Variants in TFEC observed in about 807,000 individuals in gnomAD.
TFEC encodes the protein class E basic helix-loop-helix protein 34.
Under a neutral mutation model 41.6 loss-of-function variants are expected in TFEC, and 31 were observed. The observed-to-expected ratio is 0.74, with a 90% CI of 0.56 to 1.01. The LOEUF is 1.01. Among genes scored for constraint, TFEC ranks in the 50% least tolerant of loss-of-function variants. TFEC has a pLI of 0.00. For synonymous variants in TFEC, 143 were observed against 140.6 expected (o/e 1.02, Z -0.12); for missense variants, 402 against 404.1 (o/e 0.99, Z 0.04).
chr7:115,958,085 C>G (rs1319586944), intron 3 of TFEC, among the ~76,000 whole-genome samples: 2 of 151,656 alleles, frequency 1.3e-5, no homozygotes, highest in African/African-American at 2.4e-5. Context: ...GGACTCTTCA[C>G]GTTTACTTTA....
At chr7:116,067,935 C>G (rs990315856) in intron 3 of TFEC, among the ~76,000 whole-genome samples, 1 of 151,794 alleles carries the variant, frequency 6.6e-6, no homozygotes, top group Non-Finnish European at 1.5e-5. Flanking sequence ...TAAGCCTATA[C>G]CTCCCTGAAA....
At chr7:116,097,509 G>A (rs1172071583) in intron 3 of TFEC, among the ~76,000 whole-genome samples, 1 of 152,116 alleles carries the variant, frequency 6.6e-6, no homozygotes, top group African/African-American at 2.4e-5. Context: ...AGCAGTGTGA[G>A]ACAGCAAAAG....
intron 2 of TFEC, among the ~76,000 whole-genome samples, chr7:115,981,124 C>T (rs1793612213): frequency 6.6e-6 from 1 of 152,016 alleles, no homozygotes; most frequent in Non-Finnish European, 1.5e-5. Flanking sequence ...AGTCCTGTAG[C>T]CCCACCCTAA....
At position 115,967,791 on chromosome 7, in the gene TFEC, A is replaced by G. The variant is rs1792933282; in HGVS notation, c.267+6379T>C. Among the ~76,000 whole-genome samples the G allele has an allele frequency of 2.6e-5, 4 of 151,868 alleles. 1 individual carries two copies. In the South Asian group the frequency reaches 8.3e-4, roughly 31 times the overall value. ...TATACAATAATAGAAGAGATAAAAT[A>G]TAAAACAAAGAATGATAATTTATAA... On this transcript the variant is annotated intron_variant, in intron 3 of 7. Coordinates refer to ENST00000265440, the MANE Select transcript of TFEC (RefSeq NM_012252.4).
intron 6 of TFEC, 147 bp downstream of exon 6, chr7:115,950,727 A>G: frequency 1.8e-6 from 1 of 551,128 alleles, no homozygotes. Flanking sequence ...TGGAATAGAC[A>G]TTTTAAAATG....
intron 1 of TFEC, among the ~76,000 whole-genome samples, chr7:116,114,156 T>C (rs574909102): frequency 1.2e-4 from 19 of 152,180 alleles, no homozygotes; most frequent in African/African-American, 4.6e-4. Context: ...TCACACATAG[T>C]AGATACTCAG....
intron 1 of TFEC, among the ~76,000 whole-genome samples, chr7:115,992,789 G>A (rs1161839502): frequency 1.3e-5 from 2 of 152,136 alleles, no homozygotes; most frequent in African/African-American, 4.8e-5. Context: ...AGAGGAGCTG[G>A]TACCATTCCT....
At chr7:116,112,078 C>T in intron 1 of TFEC, 1 of 920,274 alleles carries the variant, frequency 1.1e-6, no homozygotes, top group Non-Finnish European at 1.3e-6. Flanking sequence ...TGTTTTTTAA[C>T]TTTAATAATA....
chr7:115,991,419 A>C (rs1794105848), intron 1 of TFEC, among the ~76,000 whole-genome samples: 2 of 152,240 alleles, frequency 1.3e-5, no homozygotes, highest in African/African-American at 2.4e-5. Flanking sequence ...CCATTAAAAG[A>C]CACAGACTGG....
intron 1 of TFEC, among the ~76,000 whole-genome samples, chr7:116,114,077 T>C (rs1797917329): frequency 6.6e-6 from 1 of 152,086 alleles, no homozygotes. Context: ...TCTTAATTTA[T>C]TATCCTAACA....
chr7:116,043,264 CT>C (rs1199345070), intron 3 of TFEC, among the ~76,000 whole-genome samples: 1 of 151,670 alleles, frequency 6.6e-6, no homozygotes, highest in Non-Finnish European at 1.5e-5. Context: ...CTCTTAAGGA[CT>C]TTTTTTTCTG....
At chr7:116,131,324 C>G (rs1798328134) in intron 1 of TFEC, among the ~76,000 whole-genome samples, 1 of 152,094 alleles carries the variant, frequency 6.6e-6, no homozygotes, top group African/African-American at 2.4e-5. Context: ...GGCACAAAGA[C>G]CAGCCACTGT....
At chr7:116,066,122 C>T (rs1046634887) in intron 3 of TFEC, among the ~76,000 whole-genome samples, 1 of 152,164 alleles carries the variant, frequency 6.6e-6, no homozygotes, top group African/African-American at 2.4e-5. Context: ...AGCCTAATGG[C>T]TCCAGTGGCT....
At chr7:116,098,066 A>G (rs1797511089) in intron 3 of TFEC, among the ~76,000 whole-genome samples, 1 of 152,230 alleles carries the variant, frequency 6.6e-6, no homozygotes, top group Non-Finnish European at 1.5e-5. Flanking sequence ...CAAGGTGGAT[A>G]AAAACATGAC....
chr7:116,051,377 T>C (rs1386175620), intron 3 of TFEC, among the ~76,000 whole-genome samples: 1 of 152,184 alleles, frequency 6.6e-6, no homozygotes, highest in African/African-American at 2.4e-5. Flanking sequence ...AACTGAGGGA[T>C]AAGAGTTCAA....
At chr7:115,981,833 G>GT (rs78598274) in intron 2 of TFEC, among the ~76,000 whole-genome samples, 17,641 of 152,020 alleles carry the variant, frequency 0.12, 1,460 homozygotes, top group East Asian at 0.38. Flanking sequence ...TAAGCAGGAG[G>GT]TAAAGAAAAG....
chr7:115,996,076 G>A (rs1055192045), intron 1 of TFEC, among the ~76,000 whole-genome samples: 3 of 152,184 alleles, frequency 2.0e-5, no homozygotes, highest in East Asian at 1.9e-4. Context: ...CTTGGGGAAC[G>A]TAAGACCTAG....
chr7:116,085,012 T>C (rs1361081573), intron 3 of TFEC, among the ~76,000 whole-genome samples: 1 of 151,742 alleles, frequency 6.6e-6, no homozygotes, highest in Non-Finnish European at 1.5e-5. Context: ...TATAAGTACT[T>C]AGGAACAGGA....
At chr7:116,084,903 C>T (rs764140680) in intron 3 of TFEC, among the ~76,000 whole-genome samples, 1 of 151,980 alleles carries the variant, frequency 6.6e-6, no homozygotes, top group Non-Finnish European at 1.5e-5. Flanking sequence ...TGAGCAACTA[C>T]TGTATATCAC....
Sources: gnomAD v4.1 joint callset for allele counts (sites outside exome capture counted in the v4.1 genomes callset) on GRCh38, gnomAD v4.1.1 for gene constraint, MANE v1.5 for transcripts, NCBI Gene and HGNC (gene_info 2026-07-23, HGNC 2026-07-21) for gene names.